Variants in SPAG16 observed in about 807,000 individuals in gnomAD.
SPAG16 encodes the protein sperm associated antigen 16.
In SPAG16, 86 loss-of-function variants were observed where a neutral mutation model predicts 80.4. The ratio of observed to expected loss-of-function variants is 1.07; its 90% CI spans 0.90 to 1.28. The LOEUF is 1.28. SPAG16 is among the 50% of genes most tolerant of loss of function. The probability of loss-of-function intolerance (pLI) is 0.00; values close to 1 mark genes in which losing one functional copy is unlikely to be tolerated. For missense variants in SPAG16, 870 were observed against 765.3 expected, an observed-to-expected ratio of 1.14 and a Z score of -1.61; for synonymous variants, 294 against 265.9, an observed-to-expected ratio of 1.11 and a Z score of -1.03.
chr2:214,106,706 A>G (rs893106831), intron 13 of SPAG16, among the ~76,000 whole-genome samples: 2 of 152,076 alleles, frequency 1.3e-5, no homozygotes, highest in Non-Finnish European at 2.9e-5. Flanking sequence ...CTCTTCTGTA[A>G]TCTCTCCCAG....
chr2:214,273,248 T>A (rs982990260), intron 15 of SPAG16, among the ~76,000 whole-genome samples: 1 of 152,230 alleles, frequency 6.6e-6, no homozygotes, highest in Non-Finnish European at 1.5e-5. Flanking sequence ...AGGTTGCCTG[T>A]TCACTCTAAT....
At chr2:214,289,208 C>T (rs541807879) in intron 15 of SPAG16, among the ~76,000 whole-genome samples, 2 of 152,286 alleles carry the variant, frequency 1.3e-5, no homozygotes, top group South Asian at 2.1e-4. Context: ...CTTCACTCAA[C>T]GGATTGTTTC....
At chr2:213,431,779 C>A (rs2070316334) in intron 9 of SPAG16, among the ~76,000 whole-genome samples, 1 of 151,990 alleles carries the variant, frequency 6.6e-6, no homozygotes, top group Non-Finnish European at 1.5e-5. Context: ...ACATTTTACT[C>A]AACAACCTCA....
At position 213,752,542 on chromosome 2, in the gene SPAG16, G is replaced by A. The variant is rs560148722; in HGVS notation, c.1071-109943G>A. Among the ~76,000 whole-genome samples the A allele has an allele frequency of 2.6e-5, 4 of 152,204 alleles. No homozygotes were observed. The East Asian group carries it at 7.7e-4, about 29-fold the overall frequency. ...AACATAGTGAGATCGGAAAATAAAG[G>A]CCTTATCGAATTACTCATGATTTTA... On this transcript the variant is annotated intron_variant, in intron 10 of 15. Coordinates refer to ENST00000331683, the MANE Select transcript of SPAG16 (RefSeq NM_024532.5).
At chr2:214,205,106 A>G (rs2058105191) in intron 15 of SPAG16, among the ~76,000 whole-genome samples, 1 of 151,928 alleles carries the variant, frequency 6.6e-6, no homozygotes, top group South Asian at 2.1e-4. Context: ...GCAGGCATCT[A>G]TAATCCCAGC....
At chr2:214,029,947 C>T (rs2048326999) in intron 13 of SPAG16, among the ~76,000 whole-genome samples, 1 of 152,020 alleles carries the variant, frequency 6.6e-6, no homozygotes, top group Admixed American at 6.6e-5. Context: ...ATATTCACCA[C>T]CTCCAAAAGT....
chr2:213,862,396 T>C, intron 10 of SPAG16, 89 bp from the exon 11 acceptor site: 1 of 1,515,564 alleles, frequency 6.6e-7, no homozygotes, highest in African/African-American at 1.4e-5. Context: ...CTTGCTAAAA[T>C]CGGATAATCA....
At chr2:213,330,099 G>C (rs147474479) in intron 5 of SPAG16, among the ~76,000 whole-genome samples, 2,000 of 152,344 alleles carry the variant, frequency 0.013, 23 homozygotes, top group South Asian at 0.038. Flanking sequence ...CAGGGGTGGG[G>C]CTCTCATGGA....
At chr2:213,869,264 A>AAAAAAAAAAAATAT (rs552335638) in intron 11 of SPAG16, among the ~76,000 whole-genome samples, 1 of 63,592 alleles carries the variant, frequency 1.6e-5, no homozygotes, top group Non-Finnish European at 3.7e-5. Flanking sequence ...AAAAAAAAAA[A>AAAAAAAAAAAATAT]ATATATATAT....
At chr2:213,339,120 C>A (rs540810101) in intron 5 of SPAG16, among the ~76,000 whole-genome samples, 1 of 152,094 alleles carries the variant, frequency 6.6e-6, no homozygotes, top group Non-Finnish European at 1.5e-5. Context: ...ATCAAGAAGT[C>A]GTTAATCAAC....
intron 15 of SPAG16, among the ~76,000 whole-genome samples, chr2:214,368,040 G>A (rs1699593771): frequency 6.6e-6 from 1 of 152,072 alleles, no homozygotes; most frequent in Non-Finnish European, 1.5e-5. Context: ...TTAAAGACAA[G>A]GATCTCAATA....
chr2:214,379,876 G>T (rs1357927254), intron 15 of SPAG16, among the ~76,000 whole-genome samples: 1 of 152,184 alleles, frequency 6.6e-6, no homozygotes, highest in Non-Finnish European at 1.5e-5. Context: ...TTCTGTTTCT[G>T]GGAATCCTTT....
intron 15 of SPAG16, chr2:214,311,566 T>C (rs913644342): frequency 1.9e-5 from 2 of 104,908 alleles, no homozygotes; most frequent in African/African-American, 5.8e-5. Flanking sequence ...TGTAACCTTT[T>C]GTCAGGACTC....
At chr2:213,620,393 C>T (rs1311263065) in intron 10 of SPAG16, among the ~76,000 whole-genome samples, 1 of 146,456 alleles carries the variant, frequency 6.8e-6, no homozygotes, top group Non-Finnish European at 1.5e-5. Flanking sequence ...CCCAAGTTCA[C>T]GCCATTCTCC....
chr2:213,336,978 C>A (rs1360493900), intron 5 of SPAG16, among the ~76,000 whole-genome samples: 2 of 152,176 alleles, frequency 1.3e-5, no homozygotes, highest in Non-Finnish European at 2.9e-5. Context: ...CAACTGGCAT[C>A]AGGTTGGTGC....
intron 10 of SPAG16, among the ~76,000 whole-genome samples, chr2:213,501,690 T>C (rs2074748288): frequency 6.6e-6 from 1 of 152,210 alleles, no homozygotes; most frequent in South Asian, 2.1e-4. Flanking sequence ...TTAAGTCTAG[T>C]TGTTTATTAC....
chr2:214,313,565 A>C (rs1331843293), intron 15 of SPAG16, among the ~76,000 whole-genome samples: 1 of 152,162 alleles, frequency 6.6e-6, no homozygotes, highest in Non-Finnish European at 1.5e-5. Context: ...CATAGTAAGA[A>C]TTGCATAAAT....
intron 10 of SPAG16, among the ~76,000 whole-genome samples, chr2:213,573,200 C>A (rs796515702): frequency 2.0e-5 from 3 of 151,964 alleles, no homozygotes; most frequent in Non-Finnish European, 4.4e-5. Flanking sequence ...CCGTCTTCTG[C>A]GTCGGTCACG....
At chr2:213,884,497 A>G (rs1349181555) in intron 11 of SPAG16, among the ~76,000 whole-genome samples, 1 of 152,046 alleles carries the variant, frequency 6.6e-6, no homozygotes, top group African/African-American at 2.4e-5. Flanking sequence ...CTTGTGTAGT[A>G]TCTACGCTGT....
Sources: allele counts gnomAD v4.1 joint callset (sites outside exome capture counted in the v4.1 genomes callset), GRCh38; gene constraint gnomAD v4.1.1; transcripts MANE v1.5; gene names NCBI Gene and HGNC (gene_info 2026-07-23, HGNC 2026-07-21).